THOC7: variants seen among roughly 807,000 people sequenced by gnomAD.
THOC7 encodes NIF3L1-binding protein 1.
In THOC7, 22 loss-of-function variants were observed where a neutral mutation model predicts 33.1. The observed-to-expected ratio is 0.66, with a 90% CI of 0.47 to 0.95. THOC7 has a LOEUF of 0.95. Ranked by LOEUF, THOC7 falls within the 40% of genes least tolerant of loss-of-function variation. The pLI is 0.00. For missense variants in THOC7, 184 were observed against 245.3 expected (o/e 0.75, Z 1.67); for synonymous variants, 77 against 76.8 (o/e 1.00, Z -0.01).
In THOC7 at chr3:63,834,113, T is replaced by A; in HGVS notation, c.*19A>T. On this transcript the variant is annotated 3_prime_UTR_variant, in exon 8 of 8. Coordinates refer to ENST00000295899, the MANE Select transcript of THOC7 (RefSeq NM_025075.4). ...GTAGCTATTTCAATATTCCTGGGAG[T>A]GGTGGGCAATTAGCCTGTCTATGGC... 1 of 1,612,924 alleles carries A rather than the reference T, an allele frequency of 6.2e-7. No homozygotes were observed. Among genetic ancestry groups the A allele is most frequent in the Non-Finnish European group, 8.5e-7 (1 of 1,179,344 alleles).
intron 1 of THOC7, among the ~76,000 whole-genome samples, chr3:63,850,675 C>T (rs1702001133): frequency 6.6e-6 from 1 of 150,538 alleles, no homozygotes; most frequent in Admixed American, 6.6e-5. Context: ...CAACCTCTGC[C>T]TCCTGGGTTC....
rs993654657 is a variant in THOC7, at chr3:63,833,952, A to T, written c.*180T>A. 7.3e-6 allele frequency: 4 copies of T among 545,444 alleles called. No homozygotes were observed. Among genetic ancestry groups the T allele is most frequent in the Non-Finnish European group, 1.2e-5 (4 of 325,396 alleles). 33.8% of individuals were successfully genotyped at this position (545,444 alleles called of 1,614,324 possible). A position where few individuals can be genotyped will look rare whatever the true frequency, so the allele number is the denominator to read the frequency against. On this transcript the variant is annotated 3_prime_UTR_variant, in exon 8 of 8. Transcript: ENST00000295899. ...ATAAAAAATGCATTTTAATAAAAAC[A>T]AATCTATACTGAAGTCATTTTCCTT...
chr3:63,860,759 A>C (rs1161645658), intron 1 of THOC7: 2 of 152,050 alleles, frequency 1.3e-5, no homozygotes, highest in African/African-American at 4.8e-5. Context: ...AATCCGTTTA[A>C]TTTTTATATT....
At chr3:63,841,633 G>A (rs938029827) in intron 1 of THOC7, among the ~76,000 whole-genome samples, 1 of 152,136 alleles carries the variant, frequency 6.6e-6, no homozygotes, top group Non-Finnish European at 1.5e-5. Flanking sequence ...TCATGGCTTT[G>A]ACAGACTGCT....
chr3:63,846,232 T>C (rs1245812287), intron 1 of THOC7: 1 of 451,090 alleles, frequency 2.2e-6, no homozygotes, highest in East Asian at 7.2e-5. Flanking sequence ...AAAAAGCAGT[T>C]AAACAGTTTC....
chr3:63,840,718 T>C (rs114299552), intron 1 of THOC7, among the ~76,000 whole-genome samples: 3,596 of 152,328 alleles, frequency 0.024, 77 homozygotes, highest in African/African-American at 0.059. Context: ...TGCTGGATCG[T>C]AACAAGAGCA....
Position 63,835,425 on chromosome 3 carries a change from A to G in THOC7, c.411-35T>C, listed in dbSNP as rs370484066. ...ATAAAACAGTGTTACATTTTGCTGA[A>G]TGGGGGAGAAGAGTTTACAATTAAT... On this transcript the variant is annotated intron_variant, in intron 5 of 7. Transcript: ENST00000295899. 3 of 1,597,772 alleles carry G rather than the reference A, an allele frequency of 1.9e-6. No individual in the cohort carries two copies. In the African/African-American group the frequency reaches 4.0e-5, roughly 21 times the overall value.
intron 1 of THOC7, among the ~76,000 whole-genome samples, chr3:63,841,811 T>C (rs1263856182): frequency 6.6e-6 from 1 of 152,216 alleles, no homozygotes; most frequent in African/African-American, 2.4e-5. Context: ...ATTTTCTTAC[T>C]ACAAATGTTT....
intron 1 of THOC7, among the ~76,000 whole-genome samples, chr3:63,852,852 T>C (rs1261471556): frequency 6.6e-6 from 1 of 151,910 alleles, no homozygotes; most frequent in East Asian, 1.9e-4. Context: ...AAAGGAGAGA[T>C]TAGAATCACA....
intron 1 of THOC7, 149 bp downstream of exon 1, chr3:63,863,623 T>C (rs1439816867): frequency 5.0e-6 from 6 of 1,199,524 alleles, no homozygotes; most frequent in African/African-American, 1.6e-5. Flanking sequence ...GGCCCGGGGC[T>C]CCGGGGAGAG....
chr3:63,839,789 G>A lies in THOC7; in HGVS notation c.20-16C>T. On this transcript the variant is annotated splice_polypyrimidine_tract_variant and intron_variant, in intron 1 of 7. Coordinates refer to ENST00000295899, the MANE Select transcript of THOC7 (RefSeq NM_025075.4). ...ATAACTTCGTCTGCAGGAAAGAAGGGCAATGTTACCATCTGGCTCTTGGTA... is the reference window on the plus strand; with the variant it reads ...ATAACTTCGTCTGCAGGAAAGAAGGACAATGTTACCATCTGGCTCTTGGTA... 6.2e-7 allele frequency: 1 copy of A among 1,604,404 alleles called. No homozygotes were observed. Among genetic ancestry groups the A allele is most frequent in the Non-Finnish European group, 8.5e-7 (1 of 1,171,978 alleles).
chr3:63,864,097 C>A (rs909839741), upstream of THOC7, among the ~76,000 whole-genome samples: 4 of 146,610 alleles, frequency 2.7e-5, no homozygotes, highest in African/African-American at 4.9e-5. Flanking sequence ...CCGCCGCCCC[C>A]CTTGCAGCCC....
At chr3:63,851,940 C>A (rs1213441464) in intron 1 of THOC7, among the ~76,000 whole-genome samples, 1 of 152,186 alleles carries the variant, frequency 6.6e-6, no homozygotes, top group African/African-American at 2.4e-5. Context: ...AGGCCCAGAA[C>A]TATAGGCGGG....
At chr3:63,834,225 C>G (rs373931203) in intron 7 of THOC7, 26 bp from the exon 8 acceptor site, 17 of 1,611,694 alleles carry the variant, frequency 1.1e-5, no homozygotes, top group Non-Finnish European at 1.4e-5. Flanking sequence ...AAACATAAAA[C>G]CTTAGTCAAG....
At chr3:63,844,970 T>A in intron 1 of THOC7, 1 of 655,856 alleles carries the variant, frequency 1.5e-6, no homozygotes, top group Non-Finnish European at 2.8e-6. Flanking sequence ...TCTAGAATCA[T>A]AAATAAAGAC....
chr3:63,858,864 A>G (rs997847545), intron 1 of THOC7, among the ~76,000 whole-genome samples: 8 of 152,222 alleles, frequency 5.3e-5, no homozygotes, highest in African/African-American at 1.9e-4. Context: ...GAAAATATCC[A>G]GTCTAGTAGC....
intron 2 of THOC7, 96 bp from the exon 3 acceptor site, chr3:63,838,595 G>T (rs1381633348): frequency 1.7e-5 from 21 of 1,228,082 alleles, no homozygotes; most frequent in Admixed American, 2.7e-5. Context: ...TTAAATTATA[G>T]CAAGTTCTGA....
intron 1 of THOC7, 70 bp downstream of exon 1, chr3:63,863,702 A>G: frequency 8.1e-7 from 1 of 1,242,110 alleles, no homozygotes; most frequent in Middle Eastern, 3.1e-4. Flanking sequence ...GCGGGCCGGG[A>G]GGCCAGGGGT....
At chr3:63,847,742 A>G (rs1425717896) in intron 1 of THOC7, among the ~76,000 whole-genome samples, 1 of 152,216 alleles carries the variant, frequency 6.6e-6, no homozygotes, top group Non-Finnish European at 1.5e-5. Context: ...GTCTCAAAAA[A>G]CAAACAAAAA....
Sources: allele counts gnomAD v4.1 joint callset (sites outside exome capture counted in the v4.1 genomes callset), GRCh38; gene constraint gnomAD v4.1.1; transcripts MANE v1.5; gene names NCBI Gene and HGNC (gene_info 2026-07-23, HGNC 2026-07-21).